Variants in SGMS1 observed in about 807,000 individuals in gnomAD.
SGMS1 encodes the protein phosphatidylcholine:ceramide cholinephosphotransferase 1.
A neutral mutation model predicts 46.2 loss-of-function variants in SGMS1; 13 were observed. The observed-to-expected ratio is 0.28, with a 90% CI of 0.18 to 0.45. SGMS1 has a LOEUF of 0.45. SGMS1 is among the 20% of genes least tolerant of loss of function. The pLI is 1.00. For synonymous variants in SGMS1, 203 were observed against 187.8 expected, an observed-to-expected ratio of 1.08 and a Z score of -0.66; for missense variants, 324 against 519.9, an observed-to-expected ratio of 0.62 and a Z score of 3.66.
At chr10:50,494,392 T>C (rs1837592575) in intron 3 of SGMS1, among the ~76,000 whole-genome samples, 1 of 152,150 alleles carries the variant, frequency 6.6e-6, no homozygotes, top group Non-Finnish European at 1.5e-5. Context: ...TGCCCATCAG[T>C]GGTAGACTGG....
At position 50,343,791 on chromosome 10, in the gene SGMS1, T is replaced by C. The variant is rs1847862842; in HGVS notation, c.324A>G (p.Pro108=). 6.2e-7 allele frequency: 1 copy of C among 1,614,090 alleles called. No homozygotes were observed. Among genetic ancestry groups the C allele is most frequent in the Non-Finnish European group, 8.5e-7 (1 of 1,180,038 alleles). Residue 108 remains proline (P), a synonymous_variant, in exon 7 of 11, where the codon CCA becomes CCG. Transcript: ENST00000361781. Reference sequence around the variant, plus strand: ...TTATCATCTCTTTCCTATACCCATTTGGCATCCCGTTGGGTTTAATCTTGA... The same window carrying C: ...TTATCATCTCTTTCCTATACCCATTCGGCATCCCGTTGGGTTTAATCTTGA... ...FSIKIKPNGM[P]NGYRKEMIKI... is the part of the protein sequence containing the mutation.
intron 2 of SGMS1, among the ~76,000 whole-genome samples, chr10:50,578,690 G>C (rs1440225376): frequency 1.3e-5 from 2 of 152,032 alleles, no homozygotes; most frequent in Admixed American, 6.6e-5. Context: ...TGCAAATTCT[G>C]ACCTGGATTT....
chr10:50,488,647 GA>G (rs1837542934), intron 3 of SGMS1, among the ~76,000 whole-genome samples: 1 of 152,098 alleles, frequency 6.6e-6, no homozygotes, highest in African/African-American at 2.4e-5. Context: ...AGAGGAAAAA[GA>G]AAGAAAAATT....
At chr10:50,520,813 G>A (rs979393996) in intron 2 of SGMS1, among the ~76,000 whole-genome samples, 2 of 152,058 alleles carry the variant, frequency 1.3e-5, no homozygotes, top group Non-Finnish European at 2.9e-5. Context: ...CCACACAAAG[G>A]TAGTTAAGAA....
chr10:50,341,613 G>T (rs546291727), intron 7 of SGMS1, among the ~76,000 whole-genome samples: 3 of 152,018 alleles, frequency 2.0e-5, no homozygotes, highest in Non-Finnish European at 2.9e-5. Flanking sequence ...TCATTATTCC[G>T]TTTGTGAGAA....
At chr10:50,360,282 A>T (rs1848225922) in intron 6 of SGMS1, among the ~76,000 whole-genome samples, 1 of 152,220 alleles carries the variant, frequency 6.6e-6, no homozygotes, top group Admixed American at 6.5e-5. Context: ...AAGCAACTCC[A>T]GTCTCAGATA....
At chr10:50,397,896 G>T (rs116590087) in intron 6 of SGMS1, among the ~76,000 whole-genome samples, 1 of 152,220 alleles carries the variant, frequency 6.6e-6, no homozygotes, top group African/African-American at 2.4e-5. Flanking sequence ...GATGGTGACA[G>T]AATCTGCCTG....
At chr10:50,465,180 T>A (rs1837314914) in intron 4 of SGMS1, among the ~76,000 whole-genome samples, 1 of 152,142 alleles carries the variant, frequency 6.6e-6, no homozygotes, top group African/African-American at 2.4e-5. Flanking sequence ...TACATGATAA[T>A]CACCCACTGA....
chr10:50,485,046 G>T (rs540715467), intron 3 of SGMS1, among the ~76,000 whole-genome samples: 2 of 152,134 alleles, frequency 1.3e-5, no homozygotes, highest in African/African-American at 4.8e-5. Context: ...TTCTGGCAGG[G>T]CAATAGGGCA....
chr10:50,476,581 C>T (rs1000563424), intron 3 of SGMS1, among the ~76,000 whole-genome samples: 15 of 152,128 alleles, frequency 9.9e-5, no homozygotes, highest in South Asian at 2.1e-4. Flanking sequence ...AGGGAAAATG[C>T]CTCCAATGCA....
At chr10:50,389,076 T>C (rs961910005) in intron 6 of SGMS1, among the ~76,000 whole-genome samples, 3 of 152,224 alleles carry the variant, frequency 2.0e-5, no homozygotes, top group Non-Finnish European at 1.5e-5. Context: ...TATCTATATG[T>C]AGCCTATAAC....
chr10:50,318,370 AT>A (rs1847382834), intron 8 of SGMS1, among the ~76,000 whole-genome samples: 1 of 152,104 alleles, frequency 6.6e-6, no homozygotes, highest in Non-Finnish European at 1.5e-5. Context: ...TGGCAAGAAC[AT>A]TTTCTCATCC....
chr10:50,562,361 C>CAA (rs1214821217), intron 2 of SGMS1, among the ~76,000 whole-genome samples: 2 of 119,840 alleles, frequency 1.7e-5, no homozygotes, highest in Non-Finnish European at 3.7e-5. Flanking sequence ...TGTGTGCGCG[C>CAA]GCGCACACAC....
At chr10:50,470,665 T>C (rs1231486500) in intron 3 of SGMS1, among the ~76,000 whole-genome samples, 1 of 152,090 alleles carries the variant, frequency 6.6e-6, no homozygotes, top group Admixed American at 6.6e-5. Flanking sequence ...CTACACTATA[T>C]TCTTACCTTT....
At chr10:50,620,695 A>T (rs1185801170) in intron 1 of SGMS1, among the ~76,000 whole-genome samples, 1 of 152,216 alleles carries the variant, frequency 6.6e-6, no homozygotes, top group East Asian at 1.9e-4. Context: ...CTGGCAGCAC[A>T]CTCATGCCTC....
intron 6 of SGMS1, among the ~76,000 whole-genome samples, chr10:50,420,059 C>T (rs1849234947): frequency 6.6e-6 from 1 of 152,168 alleles, no homozygotes; most frequent in Admixed American, 6.5e-5. Context: ...AGAGTGTTTC[C>T]AGTTGGAAAC....
upstream of SGMS1, among the ~76,000 whole-genome samples, chr10:50,624,394 G>A (rs1234686425): frequency 6.6e-6 from 1 of 152,286 alleles, no homozygotes; most frequent in East Asian, 1.9e-4. Flanking sequence ...GCGACACTTG[G>A]GATTAATGCC....
chr10:50,533,139 T>C (rs1487873737), intron 2 of SGMS1, among the ~76,000 whole-genome samples: 1 of 152,224 alleles, frequency 6.6e-6, no homozygotes, highest in Non-Finnish European at 1.5e-5. Context: ...TTGAGTGGAC[T>C]AATGTTTCCA....
Position 50,305,710 on chromosome 10 carries a change from AAAAC to A in SGMS1, c.*1428_*1431del, listed in dbSNP as rs1339614574. The stretch of plus-strand genomic sequence containing the variant: ...TGGAATAATAACTTTACAAAGATTT[AAAAC>A]AAACAAAATTTTAAAAGCCTTTTTA... On this transcript the variant is annotated 3_prime_UTR_variant, in exon 11 of 11. Transcript: ENST00000361781. The A allele has an allele frequency of 5.9e-5, 9 of 152,880 alleles. No individual in the cohort carries two copies. Among genetic ancestry groups the A allele is most frequent in the East Asian group, 1.9e-4 (1 of 5,316 alleles). The allele number at this position is 152,880 out of a possible 1,614,324, so 9.5% of individuals were successfully genotyped here.
Sources: gnomAD v4.1 joint callset for allele counts (sites outside exome capture counted in the v4.1 genomes callset) on GRCh38, gnomAD v4.1.1 for gene constraint, MANE v1.5 for transcripts, NCBI Gene and HGNC (gene_info 2026-07-23, HGNC 2026-07-21) for gene names.